The following AXDND1 variants were observed in gnomAD, a reference collection of about 807,000 sequenced individuals.
AXDND1 encodes axonemal dynein light chain domain containing 1, also known as axonemal dynein light chain domain-containing protein 1.
A neutral mutation model predicts 137.5 loss-of-function variants in AXDND1; 110 were observed. The observed-to-expected ratio is 0.80, with a 90% CI of 0.69 to 0.94. The LOEUF is 0.94. Among genes scored for constraint, AXDND1 ranks in the 40% least tolerant of loss-of-function variants. The pLI, the probability that AXDND1 is intolerant of heterozygous loss-of-function variation, is 0.00. For missense variants in AXDND1, 1,191 were observed against 1,169.8 expected, an observed-to-expected ratio of 1.02 and a Z score of -0.26; for synonymous variants, 414 against 399.7, an observed-to-expected ratio of 1.04 and a Z score of -0.43.
chr1:179,485,460 AG>A (rs1480046132), intron 18 of AXDND1, among the ~76,000 whole-genome samples: 4 of 152,200 alleles, frequency 2.6e-5, no homozygotes, highest in African/African-American at 9.6e-5. Context: ...CCAGAAATGA[AG>A]CAGGTTGACT....
chr1:179,508,717 T>G (rs1668758339), intron 20 of AXDND1, among the ~76,000 whole-genome samples: 1 of 152,060 alleles, frequency 6.6e-6, no homozygotes, highest in African/African-American at 2.4e-5. Flanking sequence ...AGAGGGATTT[T>G]TTTTTTTAGT....
rs527449304 is a variant in AXDND1 at position 179,463,296 on chromosome 1, T to C, written c.1799-5147T>C. The stretch of plus-strand genomic sequence containing the variant: ...CCTCTACACACTGCTTTAAATGTGT[T>C]CCAGAGATTCTGGTATGTTGTGTCT... On this transcript the variant is annotated intron_variant, in intron 16 of 25. Coordinates refer to ENST00000367618, the MANE Select transcript of AXDND1 (RefSeq NM_144696.6). 2.6e-3 allele frequency among the ~76,000 whole-genome samples: 394 copies of C among 152,276 alleles called. 1 individual carries two copies. The highest frequency in any genetic ancestry group is 8.7e-3 in the African/African-American group (360 of 41,574).
Position 179,526,983 on chromosome 1 carries a change from AT to A in AXDND1, c.2611-1342del, listed in dbSNP as rs528120896. 2.0e-4 allele frequency among the ~76,000 whole-genome samples: 31 copies of A among 152,368 alleles called. No homozygotes were observed. The South Asian group carries it at 6.4e-3, about 32-fold the overall frequency. ...GTACTGTTACAGGAAAGGTGTCATG[AT>A]TCAGAGCCCAGGAGAGGATTCTTGG... On this transcript the variant is annotated intron_variant, in intron 22 of 25. Transcript: ENST00000367618.
At chr1:179,388,269 CTTTTTA>C (rs562066551) in intron 9 of AXDND1, among the ~76,000 whole-genome samples, 117 of 152,232 alleles carry the variant, frequency 7.7e-4, no homozygotes, top group African/African-American at 2.8e-3. Context: ...CTCTGGATTT[CTTTTTA>C]TATTTCCTGT....
intron 6 of AXDND1, 82 bp from the exon 7 acceptor site, chr1:179,382,618 A>T: frequency 2.1e-6 from 2 of 969,032 alleles, no homozygotes; most frequent in Non-Finnish European, 3.2e-6. Context: ...AGAAACCAAG[A>T]TTCTGGGGGT....
intron 21 of AXDND1, among the ~76,000 whole-genome samples, chr1:179,510,940 C>T (rs527303923): frequency 5.2e-4 from 74 of 140,970 alleles, no homozygotes; most frequent in African/African-American, 1.8e-3. Flanking sequence ...TTGTATCATT[C>T]TTATGCCTTT....
intron 20 of AXDND1, among the ~76,000 whole-genome samples, chr1:179,498,945 G>T (rs1279065743): frequency 6.6e-6 from 1 of 152,076 alleles, no homozygotes; most frequent in African/African-American, 2.4e-5. Flanking sequence ...TAGTGAGGCT[G>T]CAGAGAAAAA....
chr1:179,543,506 C>A (rs1672359268), intron 25 of AXDND1: 1 of 152,126 alleles, frequency 6.6e-6, no homozygotes, highest in East Asian at 1.9e-4. Context: ...GGGGAGCAGG[C>A]TTGATGGCCA....
chr1:179,445,315 A>G (rs1659580788), intron 16 of AXDND1, 111 bp downstream of exon 16: 1 of 780,948 alleles, frequency 1.3e-6, no homozygotes, highest in South Asian at 2.3e-5. Flanking sequence ...TATAGTTTTA[A>G]AAACCAAGCA....
At position 179,468,461 on chromosome 1, in the gene AXDND1, C is replaced by T. The variant is rs755138451; in HGVS notation, c.1817C>T (p.Pro606Leu). ...NGDNGYSKIL[P>L]SLISSLDFCS... ...TTTCTAGGTTACTCCAAAATTCTTC[C>T]AAGTTTGATTAGTTCTCTTGACTTC... is the stretch of plus-strand genomic sequence containing the variant. Residue 606 changes from proline (P) to leucine (L), a missense_variant, in exon 17 of 26, where the codon CCA becomes CTA. Coordinates refer to ENST00000367618, the MANE Select transcript of AXDND1 (RefSeq NM_144696.6). 25 of 1,607,576 alleles carry T rather than the reference C, an allele frequency of 1.6e-5. No individual in the cohort carries two copies. The African/African-American group carries it at 2.7e-4, about 17-fold the overall frequency.
chr1:179,496,703 C>T (rs1189405490), intron 20 of AXDND1, among the ~76,000 whole-genome samples: 2 of 151,862 alleles, frequency 1.3e-5, no homozygotes, highest in Non-Finnish European at 2.9e-5. Context: ...CCTTAATTTC[C>T]AGTCTAGTCT....
intron 18 of AXDND1, among the ~76,000 whole-genome samples, chr1:179,486,947 G>C (rs1666150356): frequency 6.7e-6 from 1 of 148,472 alleles, no homozygotes; most frequent in South Asian, 2.1e-4. Context: ...CATGATGACA[G>C]GATCAAATCC....
chr1:179,442,994 G>A (rs956928255), intron 15 of AXDND1, among the ~76,000 whole-genome samples: 1 of 152,158 alleles, frequency 6.6e-6, no homozygotes, highest in Non-Finnish European at 1.5e-5. Flanking sequence ...AGCGAGAAAG[G>A]GGGGCGGTGA....
intron 16 of AXDND1, among the ~76,000 whole-genome samples, chr1:179,458,962 A>G (rs756631559): frequency 2.0e-5 from 3 of 152,152 alleles, no homozygotes; most frequent in Admixed American, 6.5e-5. Flanking sequence ...CTTTGTGCTG[A>G]TATTATAGTT....
At chr1:179,448,860 A>G (rs1019689198) in intron 16 of AXDND1, 1 of 168,096 alleles carries the variant, frequency 5.9e-6, no homozygotes, top group Admixed American at 5.9e-5. Flanking sequence ...TTTTGCTCTT[A>G]TATAATGGTA....
Position 179,393,976 on chromosome 1 carries a change from C to A in AXDND1, c.937C>A (p.Arg313=), listed in dbSNP as rs146917473. ...TTTCTACAAAGACTTGGTAACTCAG[C>A]GAGTGATGGACCAGCGCATTTTAGA... ...IDFYKDLVTQ[R]VMDQRILEEL... The change falls in exon 10 of 26, where the codon CGA becomes AGA. Residue 313 remains arginine, a synonymous_variant. Coordinates refer to ENST00000367618, the MANE Select transcript of AXDND1 (RefSeq NM_144696.6). 6.2e-7 allele frequency: 1 copy of A among 1,610,880 alleles called. No homozygotes were observed. The highest frequency in any genetic ancestry group is 1.1e-5 in the South Asian group (1 of 90,566).
chr1:179,366,297 A>G, intron 1 of AXDND1, 107 bp from the exon 2 acceptor site: 1 of 433,306 alleles, frequency 2.3e-6, no homozygotes, highest in Non-Finnish European at 4.2e-6. Flanking sequence ...GGTCGCCCCG[A>G]AGAAGGAGAA....
chr1:179,538,939 T>TC (rs1671822125), intron 25 of AXDND1, among the ~76,000 whole-genome samples: 1 of 152,204 alleles, frequency 6.6e-6, no homozygotes, highest in African/African-American at 2.4e-5. Context: ...CCCTTTACCA[T>TC]TATGTAATGG....
chr1:179,432,429 C>CT lies in AXDND1; in HGVS notation c.1563+99dup, dbSNP rs10706073. On this transcript the variant is annotated intron_variant, in intron 15 of 25. Transcript: ENST00000367618. ...ACCTACAACTGAGGCACATCCCATC[C>CT]TTTTTTTTTTTTGGGACGTTGTCTC... 5,373 of 1,065,878 alleles carry CT rather than the reference C, an allele frequency of 5.0e-3. 3 individuals carry two copies. The highest frequency in any genetic ancestry group is 5.6e-3 in the Non-Finnish European group (4,482 of 802,758). The allele number at this position is 1,065,878 out of a possible 1,614,324, so 66.0% of individuals were successfully genotyped here. A position where few individuals can be genotyped will look rare whatever the true frequency, so the allele number is the denominator to read the frequency against.
Sources: gnomAD v4.1 joint callset for allele counts (sites outside exome capture counted in the v4.1 genomes callset) on GRCh38, gnomAD v4.1.1 for gene constraint, MANE v1.5 for transcripts, NCBI Gene and HGNC (gene_info 2026-07-23, HGNC 2026-07-21) for gene names.